Variants in PARD3B observed in about 807,000 individuals in gnomAD.
PARD3B encodes partitioning defective 3 homolog B.
In PARD3B, 103 loss-of-function variants were observed where a neutral mutation model predicts 130.2. The ratio of observed to expected loss-of-function variants is 0.79; its 90% CI spans 0.67 to 0.93. PARD3B has a LOEUF of 0.93. Ranked by LOEUF, PARD3B falls within the 40% of genes least tolerant of loss-of-function variation. PARD3B has a pLI of 0.00. For missense variants in PARD3B, 1,609 were observed against 1,499.2 expected, an observed-to-expected ratio of 1.07 and a Z score of -1.21; for synonymous variants, 583 against 553.2, an observed-to-expected ratio of 1.05 and a Z score of -0.76.
chr2:204,765,237 G>C (rs1229096021), intron 2 of PARD3B, among the ~76,000 whole-genome samples: 2 of 152,300 alleles, frequency 1.3e-5, no homozygotes, highest in East Asian at 3.9e-4. Flanking sequence ...TCACCTGAGA[G>C]GTTGTTTGAA....
At chr2:205,524,276 T>C (rs2051233920) in intron 21 of PARD3B, among the ~76,000 whole-genome samples, 1 of 152,168 alleles carries the variant, frequency 6.6e-6, no homozygotes, top group Admixed American at 6.5e-5. Flanking sequence ...TTAAATGAGG[T>C]GATTGAAGTC....
chr2:204,590,183 C>T lies in PARD3B; in HGVS notation c.120+44064C>T, dbSNP rs375203491. Among the ~76,000 whole-genome samples the T allele has an allele frequency of 1.6e-4, 25 of 152,260 alleles. No individual in the cohort carries two copies. In the East Asian group the frequency reaches 4.6e-3, roughly 28 times the overall value. On this transcript the variant is annotated intron_variant, in intron 1 of 22. Coordinates refer to ENST00000406610, the MANE Select transcript of PARD3B (RefSeq NM_001302769.2). ...TGCTTCCAGGTTTGCAGATAGCCAT[C>T]ATCTCTCTGTCCTCACAGGGTGGAG...
At chr2:205,029,161 T>TAA (rs35240376) in intron 3 of PARD3B, among the ~76,000 whole-genome samples, 3 of 152,230 alleles carry the variant, frequency 2.0e-5, no homozygotes, top group Non-Finnish European at 4.4e-5. Flanking sequence ...ACATCAGCTT[T>TAA]AAAAATGTTC....
chr2:205,244,987 T>C lies in PARD3B; in HGVS notation c.2141-791T>C, dbSNP rs988164864. Among the ~76,000 whole-genome samples, 2 of 152,232 alleles carry C rather than the reference T, an allele frequency of 1.3e-5. No homozygotes were observed. The highest frequency in any genetic ancestry group is 6.5e-5 in the Admixed American group (1 of 15,274). On this transcript the variant is annotated intron_variant, in intron 15 of 22. Transcript: ENST00000406610. The surrounding 1 kb of genome is among the most constrained non-coding windows in gnomAD (Gnocchi z 4.7). ...TTGGGTTAATTTTCTTACACACATA[T>C]GATCATCAGTATTCAACTACATATA...
Position 205,047,614 on chromosome 2 carries a change from C to T in PARD3B, c.428C>T (p.Pro143Leu), listed in dbSNP as rs1302278979. The T allele has an allele frequency of 1.9e-6, 3 of 1,550,374 alleles. No homozygotes were observed. The highest frequency in any genetic ancestry group is 2.6e-6 in the Non-Finnish European group (3 of 1,146,896). The change falls in exon 4 of 23, where the codon CCA becomes CTA. Residue 143 changes from proline (P) to leucine (L), a missense_variant. Transcript: ENST00000406610. The part of the protein sequence containing the change: ...TPLLVRRSSD[P>L]VPGPPADTQP... ...CTGCTGGTGAGGAGAAGCAGTGACCCAGTGCCAGGCCCACCTGCTGATACC... is the reference window on the plus strand; with the variant it reads ...CTGCTGGTGAGGAGAAGCAGTGACCTAGTGCCAGGCCCACCTGCTGATACC...
chr2:205,194,099 C>T (rs1466416972), intron 15 of PARD3B, among the ~76,000 whole-genome samples: 1 of 152,170 alleles, frequency 6.6e-6, no homozygotes, highest in East Asian at 1.9e-4. Context: ...AATAAATTCT[C>T]AGCAAAATAT....
At chr2:205,255,740 G>T (rs1488122828) in intron 16 of PARD3B, among the ~76,000 whole-genome samples, 1 of 151,942 alleles carries the variant, frequency 6.6e-6, no homozygotes, top group Non-Finnish European at 1.5e-5. Context: ...CTGGATGGAA[G>T]AGATGAATAG....
At chr2:204,766,238 C>G (rs544532707) in intron 2 of PARD3B, among the ~76,000 whole-genome samples, 1 of 152,278 alleles carries the variant, frequency 6.6e-6, no homozygotes, top group Admixed American at 6.5e-5. Context: ...CCAAATCTCA[C>G]TGATTGATTT....
At chr2:204,924,909 A>C (rs189685393) in intron 2 of PARD3B, among the ~76,000 whole-genome samples, 19 of 152,170 alleles carry the variant, frequency 1.2e-4, no homozygotes, top group Admixed American at 8.5e-4. Context: ...AGAACAGTGT[A>C]AATTGAAAGA....
intron 2 of PARD3B, among the ~76,000 whole-genome samples, chr2:204,706,849 C>A (rs2038187620): frequency 6.6e-6 from 1 of 152,014 alleles, no homozygotes. Flanking sequence ...ATTTTTCTAG[C>A]AAAACACTAA....
chr2:205,544,702 C>T (rs2106470180), intron 21 of PARD3B, among the ~76,000 whole-genome samples: 1 of 152,214 alleles, frequency 6.6e-6, no homozygotes, highest in East Asian at 1.9e-4. Flanking sequence ...TGCTTAAATC[C>T]CAATAAATAC....
intron 2 of PARD3B, among the ~76,000 whole-genome samples, chr2:204,834,240 T>C (rs2043945685): frequency 6.6e-6 from 1 of 152,242 alleles, no homozygotes; most frequent in Admixed American, 6.5e-5. Context: ...TCAGCTGGTC[T>C]GTTCTCTTCA....
intron 18 of PARD3B, among the ~76,000 whole-genome samples, chr2:205,383,139 G>GATAGATAGATAGATAGATAA (rs1480539066): frequency 7.7e-6 from 1 of 129,868 alleles, no homozygotes; most frequent in Non-Finnish European, 1.7e-5. Flanking sequence ...TAGATAGATA[G>GATAGATAGATAGATAGATAA]ATCGATCTAA....
intron 21 of PARD3B, among the ~76,000 whole-genome samples, chr2:205,517,345 G>T (rs918826892): frequency 6.6e-6 from 1 of 151,944 alleles, no homozygotes; most frequent in Non-Finnish European, 1.5e-5. Context: ...ATCTCTTCTA[G>T]GTTTTCTAGT....
At chr2:205,518,485 A>T (rs2050887913) in intron 21 of PARD3B, among the ~76,000 whole-genome samples, 1 of 151,936 alleles carries the variant, frequency 6.6e-6, no homozygotes. Flanking sequence ...TTTCATGTGA[A>T]ATGGGTCTCT....
intron 2 of PARD3B, among the ~76,000 whole-genome samples, chr2:204,905,830 A>G (rs1455292316): frequency 1.3e-5 from 2 of 152,182 alleles, no homozygotes; most frequent in Non-Finnish European, 2.9e-5. Flanking sequence ...GTCGGGGGAA[A>G]ATGACTCTTG....
At chr2:205,304,220 A>G (rs1256589573) in intron 18 of PARD3B, among the ~76,000 whole-genome samples, 2 of 152,204 alleles carry the variant, frequency 1.3e-5, no homozygotes, top group African/African-American at 4.8e-5. Context: ...CCTCATGCTC[A>G]AAATCTTGGG....
intron 2 of PARD3B, among the ~76,000 whole-genome samples, chr2:204,938,455 G>A (rs1054713910): frequency 9.2e-5 from 14 of 152,148 alleles, no homozygotes; most frequent in African/African-American, 3.1e-4. Flanking sequence ...TTAGCTCTCA[G>A]CTTAAATATC....
intron 2 of PARD3B, among the ~76,000 whole-genome samples, chr2:204,778,244 A>C (rs1012850230): frequency 6.6e-6 from 1 of 152,094 alleles, no homozygotes; most frequent in Non-Finnish European, 1.5e-5. Context: ...TTTCTTGCCA[A>C]CTTGGATGTT....
Sources: gnomAD v4.1 joint callset for allele counts (sites outside exome capture counted in the v4.1 genomes callset) on GRCh38, gnomAD v4.1.1 for gene constraint, Gnocchi (gnomAD v3.1) non-coding constraint, MANE v1.5 for transcripts, NCBI Gene and HGNC (gene_info 2026-07-23, HGNC 2026-07-21) for gene names.